The following NECAB2 variants were observed in gnomAD, a reference collection of about 807,000 sequenced individuals.
NECAB2 encodes the protein N-terminal EF-hand calcium binding protein 2, also known as N-terminal EF-hand calcium-binding protein 2.
A neutral mutation model predicts 51.9 loss-of-function variants in NECAB2; 68 were observed. The ratio of observed to expected loss-of-function variants is 1.31; its 90% CI spans 1.08 to 1.60. The LOEUF (loss-of-function observed/expected upper bound fraction) is 1.60, where lower values mean the gene tolerates loss of function less well. Ranked by LOEUF, NECAB2 falls within the 40% of genes most tolerant of loss-of-function variation. The pLI, the probability that NECAB2 is intolerant of heterozygous loss-of-function variation, is 0.00. For missense variants in NECAB2, 854 were observed against 490.3 expected (o/e 1.74, Z -7.00); for synonymous variants, 329 against 203.5 (o/e 1.62, Z -5.25).
At position 83,997,263 on chromosome 16, in the gene NECAB2, C is replaced by T. The variant is rs1567677749; in HGVS notation, c.843C>T (p.Thr281=). The T allele has an allele frequency of 6.2e-7, 1 of 1,614,122 alleles. No homozygotes were observed. The highest frequency in any genetic ancestry group is 8.5e-7 in the Non-Finnish European group (1 of 1,180,008). ...LQQRLSDEDG[T]NMHLQLVRQE... ...AGCGCCTGTCAGATGAAGATGGCACCAACATGGTGAGGCCCCTTCCCACCT... is the reference window on the plus strand; with the variant it reads ...AGCGCCTGTCAGATGAAGATGGCACTAACATGGTGAGGCCCCTTCCCACCT... The change falls in exon 9 of 13, where the codon ACC becomes ACT. Residue 281 remains threonine, a synonymous_variant. Transcript: ENST00000305202.
Position 83,997,237 on chromosome 16 carries a change from C to G in NECAB2, c.817C>G (p.Gln273Glu). The change falls in exon 9 of 13, where the codon CAG (glutamine) becomes GAG (glutamate). Residue 273 changes from glutamine to glutamate, a missense_variant. Gln to Glu is a conservative substitution (Grantham distance 29). Coordinates refer to ENST00000305202, the MANE Select transcript of NECAB2 (RefSeq NM_019065.3). ...ESKALWFDLQ[Q>E]RLSDEDGTNM... is the part of the protein sequence containing the mutation. ...TCAGGCACTGTGGTTCGACCTGCAG[C>G]AGCGCCTGTCAGATGAAGATGGCAC... 6.2e-7 allele frequency: 1 copy of G among 1,614,164 alleles called. No individual in the cohort carries two copies. Among genetic ancestry groups the G allele is most frequent in the Non-Finnish European group, 8.5e-7 (1 of 1,180,028 alleles).
intron 8 of NECAB2, 145 bp downstream of exon 8, chr16:83,994,833 G>A: frequency 1.1e-6 from 1 of 939,958 alleles, no homozygotes; most frequent in Non-Finnish European, 1.6e-6. Context: ...GCGTGGAGCT[G>A]CCGAGGACGA....
intron 5 of NECAB2, among the ~76,000 whole-genome samples, chr16:83,981,551 T>A (rs1258537900): frequency 6.6e-6 from 1 of 152,088 alleles, no homozygotes; most frequent in Non-Finnish European, 1.5e-5. Flanking sequence ...GCACCTGGTT[T>A]AATCCTCACA....
At chr16:84,002,043 C>T (rs746501664) in intron 12 of NECAB2, 127 bp downstream of exon 12, 77 of 1,158,084 alleles carry the variant, frequency 6.6e-5, no homozygotes, top group Admixed American at 8.1e-5. Context: ...CTCCTGCCAC[C>T]AATGCCAGGC....
intron 2 of NECAB2, among the ~76,000 whole-genome samples, chr16:83,976,068 G>C (rs1020354055): frequency 3.3e-5 from 5 of 152,140 alleles, no homozygotes; most frequent in African/African-American, 1.2e-4. Flanking sequence ...TGCTCTCCCT[G>C]TGTGCAGAGG....
intron 12 of NECAB2, 117 bp from the exon 13 acceptor site, chr16:84,002,199 CTG>C: frequency 7.8e-7 from 1 of 1,283,346 alleles, no homozygotes; most frequent in South Asian, 1.2e-5. Context: ...CAGCAAGGAC[CTG>C]TGTGTCACAC....
At chr16:84,000,651 A>C (rs1567681065) in intron 10 of NECAB2, 73 bp from the exon 11 acceptor site, 4 of 1,358,738 alleles carry the variant, frequency 2.9e-6, no homozygotes, top group Middle Eastern at 1.8e-4. Context: ...GTCTCAGGCC[A>C]CCCCAGGGGA....
At chr16:84,000,889 G>C (rs546534865) in intron 11 of NECAB2, 88 bp downstream of exon 11, 4 of 1,329,330 alleles carry the variant, frequency 3.0e-6, no homozygotes, top group Non-Finnish European at 1.1e-6. Flanking sequence ...TTGGAGGGGA[G>C]GGTAAGGCCG....
At position 83,980,500 on chromosome 16, in the gene NECAB2, G is replaced by C. The variant is rs1421464985; in HGVS notation, c.336-339G>C. On this transcript the variant is annotated intron_variant, in intron 3 of 12. Transcript: ENST00000305202. ...CAGTGGGTCAGATGAGAGCTTTGCTGACAGCCCGTCACAGTAATGGGTCCC... is the reference window on the plus strand; with the variant it reads ...CAGTGGGTCAGATGAGAGCTTTGCTCACAGCCCGTCACAGTAATGGGTCCC... 3.9e-5 allele frequency among the ~76,000 whole-genome samples: 6 copies of C among 152,090 alleles called. No homozygotes were observed. The East Asian group carries it at 1.2e-3, about 29-fold the overall frequency.
intron 8 of NECAB2, among the ~76,000 whole-genome samples, 170 bp downstream of exon 8, chr16:83,994,858 C>A (rs1392433853): frequency 6.6e-6 from 1 of 152,178 alleles, no homozygotes; most frequent in Non-Finnish European, 1.5e-5. Flanking sequence ...AAGGATCAAA[C>A]CCCGGGGGAT....
At chr16:83,999,512 G>A (rs554159017) in intron 10 of NECAB2, among the ~76,000 whole-genome samples, 1 of 152,234 alleles carries the variant, frequency 6.6e-6, no homozygotes, top group South Asian at 2.1e-4. Flanking sequence ...CTGCACGGAG[G>A]TGTGTCCACC....
At chr16:83,989,557 C>T (rs1001327769) in intron 5 of NECAB2, among the ~76,000 whole-genome samples, 1 of 152,152 alleles carries the variant, frequency 6.6e-6, no homozygotes, top group Non-Finnish European at 1.5e-5. Context: ...GGGCAGGTGG[C>T]TTGGGAAGGC....
At chr16:83,998,650 C>A (rs534588737) in intron 10 of NECAB2, among the ~76,000 whole-genome samples, 1 of 152,184 alleles carries the variant, frequency 6.6e-6, no homozygotes, top group African/African-American at 2.4e-5. Context: ...TGGTGTGCCC[C>A]GTGCGCTCAG....
Position 83,981,024 on chromosome 16 carries a change from C to T in NECAB2, c.362-6C>T. The T allele has an allele frequency of 1.2e-6, 2 of 1,613,864 alleles. No individual in the cohort carries two copies. The highest frequency in any genetic ancestry group is 1.7e-6 in the Non-Finnish European group (2 of 1,179,766). ...TGACCCCTGACCTTTGCCTTTCCTT[C>T]CCCAGATTACTTTGTGGACCACATG... On this transcript the variant is annotated splice_region_variant and splice_polypyrimidine_tract_variant and intron_variant, in intron 4 of 12. Transcript: ENST00000305202.
chr16:83,998,979 C>T (rs1306993506), intron 10 of NECAB2, among the ~76,000 whole-genome samples: 1 of 152,124 alleles, frequency 6.6e-6, no homozygotes, highest in Admixed American at 6.5e-5. Context: ...GGTCCCCCGC[C>T]CCCCGTTTCT....
At position 83,990,661 on chromosome 16, in the gene NECAB2, G is replaced by T. The variant is rs780095482; in HGVS notation, c.596+31G>T. 3.1e-6 allele frequency: 5 copies of T among 1,611,778 alleles called. No homozygotes were observed. In the Admixed American group the frequency reaches 6.7e-5, roughly 22 times the overall value. On this transcript the variant is annotated intron_variant, in intron 6 of 12. Coordinates refer to ENST00000305202, the MANE Select transcript of NECAB2 (RefSeq NM_019065.3). ...TCTCTGAGACCCTGCAGGGTCCCAT[G>T]GGGGTATGCCGTGCACGCGCACGTG...
intron 6 of NECAB2, among the ~76,000 whole-genome samples, chr16:83,992,255 G>A (rs991004255): frequency 2.0e-5 from 3 of 151,986 alleles, no homozygotes; most frequent in African/African-American, 7.3e-5. Context: ...GGAACCATGG[G>A]AATGCATCTG....
At chr16:83,998,178 C>T (rs374035925) in intron 9 of NECAB2, 27 bp from the exon 10 acceptor site, 18 of 1,598,898 alleles carry the variant, frequency 1.1e-5, no homozygotes, top group Admixed American at 1.7e-5. Flanking sequence ...CGTGGAGCCC[C>T]ACACTGACTC....
In NECAB2 at chr16:83,994,592, C is replaced by A; in HGVS notation, c.716-17C>A. 2 of 1,614,044 alleles carry A rather than the reference C, an allele frequency of 1.2e-6. No individual in the cohort carries two copies. Among genetic ancestry groups the A allele is most frequent in the Non-Finnish European group, 8.5e-7 (1 of 1,180,018 alleles). ...CTGCCCACCACTGAAGTCTGTGTGT[C>A]TCTTTCTCTACCGCAGCCACGGAGG... On this transcript the variant is annotated splice_polypyrimidine_tract_variant and intron_variant, in intron 7 of 12. Coordinates refer to ENST00000305202, the MANE Select transcript of NECAB2 (RefSeq NM_019065.3).
Sources: gnomAD v4.1 joint callset for allele counts (sites outside exome capture counted in the v4.1 genomes callset) on GRCh38, gnomAD v4.1.1 for gene constraint, MANE v1.5 for transcripts, NCBI Gene and HGNC (gene_info 2026-07-23, HGNC 2026-07-21) for gene names.